The following GABRG2 variants were observed in gnomAD, a reference collection of about 807,000 sequenced individuals.
GABRG2 encodes gamma-aminobutyric acid receptor subunit gamma-2.
A neutral mutation model predicts 56.4 loss-of-function variants in GABRG2; 16 were observed. The observed-to-expected ratio is 0.28, with a 90% confidence interval of 0.19 to 0.43. The LOEUF is 0.43. Ranked by LOEUF, GABRG2 falls within the 20% of genes least tolerant of loss-of-function variation. The pLI is 1.00. For missense variants in GABRG2, 327 were observed against 582.7 expected (o/e 0.56, Z 4.52); for synonymous variants, 208 against 205.5 (o/e 1.01, Z -0.10).
intron 6 of GABRG2, among the ~76,000 whole-genome samples, chr5:162,135,779 T>C (rs1464796932): frequency 1.3e-5 from 2 of 152,038 alleles, no homozygotes; most frequent in Non-Finnish European, 2.9e-5. Flanking sequence ...GAAAGAACCC[T>C]GTGGGAAGAG....
Position 162,154,134 on chromosome 5 carries a change from T to A in GABRG2, c.*766T>A, listed in dbSNP as rs750509121. 1.3e-5 allele frequency: 2 copies of A among 152,276 alleles called. No individual in the cohort carries two copies. Among genetic ancestry groups the A allele is most frequent in the Non-Finnish European group, 2.9e-5 (2 of 68,106 alleles). 9.4% of individuals were successfully genotyped at this position (152,276 alleles called of 1,614,324 possible). A position where few individuals can be genotyped will look rare whatever the true frequency, so the allele number is the denominator to read the frequency against. On this transcript the variant is annotated 3_prime_UTR_variant, in exon 10 of 10. Coordinates refer to ENST00000639213, the MANE Select transcript of GABRG2 (RefSeq NM_198904.4). ...TCGAACAGCTTATTTTTTCCTTGTA[T>A]GACATATTACAACACTTTAAGTAAA...
intron 1 of GABRG2, among the ~76,000 whole-genome samples, chr5:162,074,282 T>A (rs1219856501): frequency 6.6e-6 from 1 of 152,032 alleles, no homozygotes; most frequent in African/African-American, 2.4e-5. Flanking sequence ...TAACTCTGCA[T>A]AGATAAAATA....
chr5:162,138,704 G>T (rs17060111), intron 6 of GABRG2, among the ~76,000 whole-genome samples: 4 of 152,086 alleles, frequency 2.6e-5, no homozygotes, highest in Non-Finnish European at 5.9e-5. Flanking sequence ...TAAGAGTGAC[G>T]AGAGAGGCAC....
chr5:162,090,764 G>A (rs1174312781), intron 1 of GABRG2, among the ~76,000 whole-genome samples: 2 of 152,090 alleles, frequency 1.3e-5, no homozygotes, highest in Non-Finnish European at 2.9e-5. Flanking sequence ...GCCATTCCAT[G>A]TAGATAGGTA....
intron 1 of GABRG2, among the ~76,000 whole-genome samples, chr5:162,078,156 C>T (rs1166596024): frequency 1.3e-5 from 2 of 151,724 alleles, no homozygotes; most frequent in African/African-American, 2.4e-5. Context: ...TTATAAACAA[C>T]AGAAATGTGT....
At chr5:162,127,876 G>A (rs1213521378) in intron 6 of GABRG2, among the ~76,000 whole-genome samples, 1 of 151,936 alleles carries the variant, frequency 6.6e-6, no homozygotes, top group Non-Finnish European at 1.5e-5. Context: ...ACCAGAGTCA[G>A]GGTGTGAATC....
chr5:162,074,432 C>A (rs1481353483), intron 1 of GABRG2, among the ~76,000 whole-genome samples: 1 of 151,842 alleles, frequency 6.6e-6, no homozygotes, highest in African/African-American at 2.4e-5. Flanking sequence ...TAATTGAAAC[C>A]CTGCCATGAA....
intron 1 of GABRG2, among the ~76,000 whole-genome samples, chr5:162,079,880 A>G (rs1031826009): frequency 3.3e-5 from 5 of 152,092 alleles, no homozygotes; most frequent in African/African-American, 1.2e-4. Flanking sequence ...CCTGGGTTCA[A>G]GCAATTCTCC....
At chr5:162,125,068 T>C (rs773969708) in intron 6 of GABRG2, among the ~76,000 whole-genome samples, 3 of 151,446 alleles carry the variant, frequency 2.0e-5, no homozygotes, top group Non-Finnish European at 4.4e-5. Context: ...TCTTTGACCA[T>C]ACCTCAACTG....
At position 162,142,064 on chromosome 5, in the gene GABRG2, A is replaced by C. The variant is rs1581439262; in HGVS notation, c.770-100A>C. ...AACATACCACTTGTAGAAAACTCTT[A>C]ATTTAAATGTGTGTGCATAACCATT... is the stretch of plus-strand genomic sequence containing the variant. On this transcript the variant is annotated intron_variant, in intron 6 of 9. Transcript: ENST00000639213. 3 of 1,410,060 alleles carry C rather than the reference A, an allele frequency of 2.1e-6. No homozygotes were observed. In the East Asian group the frequency reaches 6.8e-5, roughly 32 times the overall value. 87.3% of individuals were successfully genotyped at this position (1,410,060 alleles called of 1,614,324 possible). A position where few individuals can be genotyped will look rare whatever the true frequency, so the allele number is the denominator to read the frequency against.
At chr5:162,092,266 T>C (rs1351845715) in intron 1 of GABRG2, among the ~76,000 whole-genome samples, 1 of 152,124 alleles carries the variant, frequency 6.6e-6, no homozygotes, top group African/African-American at 2.4e-5. Flanking sequence ...ATACCCACTA[T>C]GGGCACTCTG....
intron 5 of GABRG2, 39 bp from the exon 6 acceptor site, chr5:162,103,850 A>G (rs1201515050): frequency 6.8e-6 from 11 of 1,611,646 alleles, no homozygotes; most frequent in African/African-American, 1.3e-5. Context: ...ATGCTAATTT[A>G]TAATCATTTT....
intron 1 of GABRG2, among the ~76,000 whole-genome samples, chr5:162,091,577 C>T (rs1760591347): frequency 6.6e-6 from 1 of 151,952 alleles, no homozygotes; most frequent in Non-Finnish European, 1.5e-5. Flanking sequence ...TCCTGATTCC[C>T]AAACAGGTAC....
chr5:162,129,986 T>C (rs1763617058), intron 6 of GABRG2, among the ~76,000 whole-genome samples: 2 of 151,916 alleles, frequency 1.3e-5, no homozygotes, highest in Admixed American at 1.3e-4. Flanking sequence ...AGGCAGGAAT[T>C]GGAAGCTAGG....
chr5:162,093,167 G>A (rs1760736907), intron 1 of GABRG2, among the ~76,000 whole-genome samples: 1 of 152,078 alleles, frequency 6.6e-6, no homozygotes, highest in African/African-American at 2.4e-5. Flanking sequence ...TATTGCATTT[G>A]CCATGATAAA....
intron 6 of GABRG2, among the ~76,000 whole-genome samples, chr5:162,111,840 A>G (rs1357133752): frequency 1.3e-5 from 2 of 152,170 alleles, no homozygotes; most frequent in Non-Finnish European, 2.9e-5. Context: ...CTATTTTTAC[A>G]GAGACATGCA....
At chr5:162,143,135 T>C (rs1422232356) in intron 7 of GABRG2, among the ~76,000 whole-genome samples, 2 of 152,210 alleles carry the variant, frequency 1.3e-5, no homozygotes, top group Non-Finnish European at 1.5e-5. Context: ...TGATGCCACA[T>C]TGTTAATGTG....
At chr5:162,144,411 G>A (rs1478137146) in intron 7 of GABRG2, among the ~76,000 whole-genome samples, 2 of 152,148 alleles carry the variant, frequency 1.3e-5, no homozygotes, top group Non-Finnish European at 2.9e-5. Context: ...CAGTAAATAA[G>A]TGTTCACTGG....
intron 8 of GABRG2, chr5:162,150,098 T>G (rs1383615387): frequency 1.3e-5 from 2 of 155,594 alleles, no homozygotes; most frequent in African/African-American, 2.4e-5. Flanking sequence ...ATTCTCGAAA[T>G]GTATCTTTTT....
Sources: gnomAD v4.1 joint callset for allele counts (sites outside exome capture counted in the v4.1 genomes callset) on GRCh38, gnomAD v4.1.1 for gene constraint, MANE v1.5 for transcripts, NCBI Gene and HGNC (gene_info 2026-07-23, HGNC 2026-07-21) for gene names.